The following RNF208 variants were observed in gnomAD, a reference collection of about 807,000 sequenced individuals.
RNF208 encodes ring finger protein 208.
Under a neutral mutation model 15.2 loss-of-function variants are expected in RNF208, and 7 were observed. That is an observed-to-expected ratio of 0.46 (90% CI 0.26 to 0.86). The LOEUF (loss-of-function observed/expected upper bound fraction) is 0.86, where lower values mean the gene tolerates loss of function less well. Ranked by LOEUF, RNF208 falls within the 40% of genes least tolerant of loss-of-function variation. The probability of loss-of-function intolerance (pLI) is 0.16; values close to 1 mark genes in which losing one functional copy is unlikely to be tolerated. For missense variants in RNF208, 342 were observed against 364.1 expected, an observed-to-expected ratio of 0.94 and a Z score of 0.49; for synonymous variants, 211 against 163.2, an observed-to-expected ratio of 1.29 and a Z score of -2.23.
chr9:137,222,807 G>A (rs1205858185), upstream of RNF208, among the ~76,000 whole-genome samples: 1 of 152,260 alleles, frequency 6.6e-6, no homozygotes, highest in African/African-American at 2.4e-5. Context: ...GGTGGAGGCG[G>A]CCCTGAGGAC....
upstream of RNF208, among the ~76,000 whole-genome samples, chr9:137,222,650 C>T (rs1206783535): frequency 1.3e-5 from 2 of 152,258 alleles, no homozygotes; most frequent in South Asian, 4.1e-4. Context: ...CCTCCAGCTC[C>T]GCCTGTGCCC....
chr9:137,220,328 T>C lies in RNF208; in HGVS notation c.*99A>G, dbSNP rs1588828843. ...CCACTCGGGGTGGGGCCGGAAGCCATGGTGGGGAAGGAAGGGTCAGCGGGC... is the reference window on the plus strand; with the variant it reads ...CCACTCGGGGTGGGGCCGGAAGCCACGGTGGGGAAGGAAGGGTCAGCGGGC... On this transcript the variant is annotated 3_prime_UTR_variant, in exon 2 of 2. Transcript: ENST00000391553. 1.6e-6 allele frequency: 2 copies of C among 1,280,758 alleles called. No homozygotes were observed. Among genetic ancestry groups the C allele is most frequent in the East Asian group, 2.5e-5 (1 of 39,776 alleles). The allele number at this position is 1,280,758 out of a possible 1,614,324, so 79.3% of individuals were successfully genotyped here.
rs377081923 is a variant in RNF208 at position 137,220,462 on chromosome 9, C to A, written c.751G>T (p.Val251Leu). 2 of 1,597,206 alleles carry A rather than the reference C, an allele frequency of 1.3e-6. No homozygotes were observed. Among genetic ancestry groups the A allele is most frequent in the Non-Finnish European group, 1.7e-6 (2 of 1,171,632 alleles). ...GAGCAGGCGGACAGTGGGTTCCGCA[C>A]GTGGCAGGTGCACGCGGCCCCACAG... ...QYCGAACTCH[V>L]RNPLSACSIM Residue 251 changes from valine to leucine, a missense_variant, in exon 2 of 2, where the codon GTG (valine) becomes TTG (leucine). By Grantham distance (32) the Val-to-Leu change is conservative. Transcript: ENST00000391553.
chr9:137,222,547 G>A (rs1305108429), upstream of RNF208, among the ~76,000 whole-genome samples: 3 of 152,208 alleles, frequency 2.0e-5, no homozygotes, highest in East Asian at 1.9e-4. Flanking sequence ...AGAGGGAGGG[G>A]ACCTGCGCGG....
At position 137,221,994 on chromosome 9, in the gene RNF208, C is replaced by T. The variant is rs1482649072; in HGVS notation, c.-532G>A. Among the ~76,000 whole-genome samples, 1 of 151,472 alleles carries T rather than the reference C, an allele frequency of 6.6e-6. No individual in the cohort carries two copies. Among genetic ancestry groups the T allele is most frequent in the Non-Finnish European group, 1.5e-5 (1 of 67,782 alleles). On this transcript the variant is annotated 5_prime_UTR_variant, in exon 1 of 2. Transcript: ENST00000391553. ...CCCCCGCCCCCTGCGCTCACCTGCC[C>T]CAGCCTGGCGTCCCGGCCGCGCGCC...
chr9:137,220,353 C>CGGCAG lies in RNF208; in HGVS notation c.*69_*73dup. On this transcript the variant is annotated 3_prime_UTR_variant, in exon 2 of 2. Coordinates refer to ENST00000391553, the MANE Select transcript of RNF208 (RefSeq NM_031297.7). ...TGGTGGGGAAGGAAGGGTCAGCGGG[C>CGGCAG]GGCAGGGCAGGGCCGGGTCCCTGAA... The CGGCAG allele has an allele frequency of 7.0e-7, 1 of 1,432,786 alleles. No individual in the cohort carries two copies. Among genetic ancestry groups the CGGCAG allele is most frequent in the Non-Finnish European group, 9.3e-7 (1 of 1,078,708 alleles). The allele number at this position is 1,432,786 out of a possible 1,614,324, so 88.8% of individuals were successfully genotyped here.
At position 137,221,103 on chromosome 9, in the gene RNF208, T is replaced by C; in HGVS notation, c.110A>G (p.His37Arg). The C allele has an allele frequency of 6.2e-7, 1 of 1,605,072 alleles. No individual in the cohort carries two copies. Among genetic ancestry groups the C allele is most frequent in the Non-Finnish European group, 8.5e-7 (1 of 1,176,156 alleles). The change falls in exon 2 of 2, where the codon CAC (histidine) becomes CGC (arginine). Residue 37 changes from histidine to arginine, a missense_variant. By Grantham distance (29) the His-to-Arg change is conservative. This residue lies in a region of RNF208 where 207 missense variants were observed against 193.7 expected (regional missense o/e 1.07). Transcript: ENST00000391553. ...CGGTAGCTCAGGGAACTTTTCAGGG[T>C]GGACAATCTTCATGGCCTCCATCTT... is the stretch of plus-strand genomic sequence containing the variant. The part of the protein sequence containing the change: ...ILKMEAMKIV[H>R]PEKFPELPAA...
chr9:137,222,109 C>A lies in RNF208; in HGVS notation c.-647G>T, dbSNP rs921877601. On this transcript the variant is annotated 5_prime_UTR_variant, in exon 1 of 2. Coordinates refer to ENST00000391553, the MANE Select transcript of RNF208 (RefSeq NM_031297.7). The stretch of plus-strand genomic sequence containing the variant: ...CGGGGGGCTCCGGCGGCTCCGGCGG[C>A]GGCCGCAGCGACCTCAGGCGATGGC... Among the ~76,000 whole-genome samples the A allele has an allele frequency of 2.0e-5, 3 of 147,036 alleles. No homozygotes were observed. The highest frequency in any genetic ancestry group is 4.5e-5 in the Non-Finnish European group (3 of 66,114).
rs1457131848 is a variant in RNF208, at chr9:137,222,154, G to A, written c.-692C>T. On this transcript the variant is annotated 5_prime_UTR_variant, in exon 1 of 2. Transcript: ENST00000391553. ...GATGGCGGGGCCCGGGCGGCACCGA[G>A]GGGCGCGGGCGCGGGCGTGGGGCGC... 1.4e-5 allele frequency among the ~76,000 whole-genome samples: 2 copies of A among 146,272 alleles called. No individual in the cohort carries two copies. Among genetic ancestry groups the A allele is most frequent in the African/African-American group, 2.4e-5 (1 of 40,838 alleles).
At chr9:137,223,124 G>A (rs932896661), upstream of RNF208, among the ~76,000 whole-genome samples, 1 of 152,262 alleles carries the variant, frequency 6.6e-6, no homozygotes, top group Non-Finnish European at 1.5e-5. Flanking sequence ...GAGCCCAGAG[G>A]GGACGGTGCC....
rs148496565 is a variant in RNF208, at chr9:137,220,874, C to G, written c.339G>C (p.Glu113Asp). Reference protein sequence around the residue: ...SELGFPRVAPEDEVIVNQYVI... With the variant: ...SELGFPRVAPDDEVIVNQYVI... ...CGTACTGATTCACAATGACCTCATC[C>G]TCTGGGGCCACGCGGGGAAAGCCCA... Residue 113 changes from glutamate to aspartate, a missense_variant, in exon 2 of 2, where the codon GAG becomes GAC. Glu to Asp is a conservative substitution (Grantham distance 45). Around this residue, in one of 3 missense-constraint regions of RNF208, gnomAD observed 207 missense variants for 193.7 expected, o/e 1.07. Transcript: ENST00000391553. 2.1e-4 allele frequency: 329 copies of G among 1,588,140 alleles called. 1 individual carries two copies. The African/African-American group carries it at 4.1e-3, about 20-fold the overall frequency.
intron 1 of RNF208, among the ~76,000 whole-genome samples, 56 bp from the exon 2 acceptor site, chr9:137,221,794 C>T (rs1351693761): frequency 6.6e-6 from 1 of 152,108 alleles, no homozygotes; most frequent in Non-Finnish European, 1.5e-5. Flanking sequence ...CCCTAGCCCT[C>T]GCCCTGCACA....
rs748561616 is a variant in RNF208, at chr9:137,220,859, C to A, written c.354G>T (p.Val118=). 2 of 1,596,996 alleles carry A rather than the reference C, an allele frequency of 1.3e-6. No individual in the cohort carries two copies. Among genetic ancestry groups the A allele is most frequent in the African/African-American group, 2.7e-5 (2 of 74,296 alleles). The change falls in exon 2 of 2, where the codon GTG becomes GTT. Residue 118 remains valine (V), a synonymous_variant. Coordinates refer to ENST00000391553, the MANE Select transcript of RNF208 (RefSeq NM_031297.7). The stretch of plus-strand genomic sequence containing the variant: ...GGCCAGGCCGAATCACGTACTGATT[C>A]ACAATGACCTCATCCTCTGGGGCCA... ...PRVAPEDEVI[V]NQYVIRPGPS... is the part of the protein sequence containing the mutation.
rs1216821265 is a variant in RNF208 at position 137,222,227 on chromosome 9, G to A, written c.-765C>T. The stretch of plus-strand genomic sequence containing the variant: ...GGCGACGGCGGCAGGTGCGTGCGGA[G>A]CGTGGCGCGCTCTGCGGCGGAGGCG... On this transcript the variant is annotated 5_prime_UTR_variant, in exon 1 of 2. Transcript: ENST00000391553. Among the ~76,000 whole-genome samples the A allele has an allele frequency of 6.8e-6, 1 of 146,316 alleles. No homozygotes were observed. The highest frequency in any genetic ancestry group is 1.9e-4 in the East Asian group (1 of 5,130).
At position 137,220,662 on chromosome 9, in the gene RNF208, A is replaced by G; in HGVS notation, c.551T>C (p.Ile184Thr). ...CTCACGGCGGCAGGTGGGGCAGGAG[A>G]TGAACTTGTACTTGGGGCAGGACTC... Reference protein sequence around the residue: ...LYESCPKYKFISCPTCRRETV... With the variant: ...LYESCPKYKFTSCPTCRRETV... Residue 184 changes from isoleucine (I) to threonine (T), a missense_variant, in exon 2 of 2, where the codon ATC (isoleucine) becomes ACC (threonine). This residue lies in a region of RNF208 where 76 missense variants were observed against 118.0 expected (regional missense o/e 0.64). Transcript: ENST00000391553. 6.2e-7 allele frequency: 1 copy of G among 1,612,532 alleles called. No homozygotes were observed. The highest frequency in any genetic ancestry group is 1.1e-5 in the South Asian group (1 of 91,082).
rs1588829784 is a variant in RNF208, at chr9:137,221,279, T to C, written c.-67A>G. 1 of 977,110 alleles carries C rather than the reference T, an allele frequency of 1.0e-6. No homozygotes were observed. The highest frequency in any genetic ancestry group is 2.1e-5 in the South Asian group (1 of 48,278). 60.5% of individuals were successfully genotyped at this position (977,110 alleles called of 1,614,324 possible). ...GCGTTGTGTGGGGCTGGGGGGCAGG[T>C]GACAGGGCAGCATCCTGGTCCCGCC... On this transcript the variant is annotated 5_prime_UTR_variant, in exon 2 of 2. Coordinates refer to ENST00000391553, the MANE Select transcript of RNF208 (RefSeq NM_031297.7).
chr9:137,222,947 C>T (rs1835895310), upstream of RNF208, among the ~76,000 whole-genome samples: 1 of 152,234 alleles, frequency 6.6e-6, no homozygotes, highest in Non-Finnish European at 1.5e-5. Flanking sequence ...GCTTGCTGGT[C>T]ACCGTGAGGC....
Position 137,220,795 on chromosome 9 carries a change from G to A in RNF208, c.418C>T (p.Pro140Ser), listed in dbSNP as rs1835849355. ...TGCCCACAGGTGGGGCACTCCAGGG[G>A]CTCGCCTGCCGCCGCCGAAGAAGCC... ...SAASSAAAGE[P>S]LECPTCGHSY... is the part of the protein sequence containing the mutation. The change falls in exon 2 of 2, where the codon CCC (proline) becomes TCC (serine). Residue 140 changes from proline to serine, a missense_variant. Physicochemically the swap from Pro to Ser is moderately conservative, Grantham distance 74 (BLOSUM62 -1). Transcript: ENST00000391553. 1 of 1,608,584 alleles carries A rather than the reference G, an allele frequency of 6.2e-7. No individual in the cohort carries two copies. Among genetic ancestry groups the A allele is most frequent in the African/African-American group, 1.3e-5 (1 of 74,690 alleles).
Position 137,222,225 on chromosome 9 carries a change from G to A in RNF208, c.-763C>T, listed in dbSNP as rs1434789653. Among the ~76,000 whole-genome samples the A allele has an allele frequency of 1.4e-5, 2 of 146,252 alleles. No individual in the cohort carries two copies. Among genetic ancestry groups the A allele is most frequent in the Admixed American group, 1.4e-4 (2 of 14,710 alleles). On this transcript the variant is annotated 5_prime_UTR_variant, in exon 1 of 2. Transcript: ENST00000391553. The stretch of plus-strand genomic sequence containing the variant: ...GCGGCGACGGCGGCAGGTGCGTGCG[G>A]AGCGTGGCGCGCTCTGCGGCGGAGG...
Sources: gnomAD v4.1 joint callset for allele counts (sites outside exome capture counted in the v4.1 genomes callset) on GRCh38, gnomAD v4.1.1 for gene constraint, gnomAD v4.1.1 regional missense constraint, MANE v1.5 for transcripts, NCBI Gene and HGNC (gene_info 2026-07-23, HGNC 2026-07-21) for gene names.